CNTN5: variants seen among roughly 807,000 people sequenced by gnomAD.
The protein encoded by CNTN5 is contactin-5.
Under a neutral mutation model 129.1 loss-of-function variants are expected in CNTN5, and 77 were observed. The observed-to-expected ratio is 0.60, with a 90% CI of 0.50 to 0.72. The LOEUF is 0.72. Ranked by LOEUF, CNTN5 falls within the 30% of genes least tolerant of loss-of-function variation. The pLI, the probability that CNTN5 is intolerant of heterozygous loss-of-function variation, is 0.00. For missense variants in CNTN5, 1,478 were observed against 1,328.8 expected, an observed-to-expected ratio of 1.11 and a Z score of -1.75; for synonymous variants, 509 against 465.6, an observed-to-expected ratio of 1.09 and a Z score of -1.20.
intron 24 of CNTN5, 148 bp from the exon 25 acceptor site, chr11:100,355,969 T>A: frequency 1.6e-6 from 1 of 612,188 alleles, no homozygotes; most frequent in Non-Finnish European, 2.9e-6. Context: ...GAACCTCAGA[T>A]AATGTCTGAT....
chr11:99,417,046 G>A (rs550753851), intron 2 of CNTN5, among the ~76,000 whole-genome samples: 18 of 152,058 alleles, frequency 1.2e-4, no homozygotes, highest in South Asian at 2.1e-4. Flanking sequence ...AACAACAAAC[G>A]CAAATTGACT....
chr11:99,815,921 A>G (rs1145397), intron 3 of CNTN5, among the ~76,000 whole-genome samples: 49,586 of 151,834 alleles, frequency 0.33, 8,513 homozygotes, highest in Middle Eastern at 0.42. Flanking sequence ...CAGTTTCTGC[A>G]CCTTGCATCT....
intron 9 of CNTN5, among the ~76,000 whole-genome samples, chr11:100,034,018 C>T (rs1397372651): frequency 1.3e-5 from 2 of 152,182 alleles, no homozygotes; most frequent in Non-Finnish European, 2.9e-5. Context: ...CATTCTGTAT[C>T]TTACTTCCTG....
rs141305448 is a variant in CNTN5, at chr11:99,681,158, G to A, written c.55+124889G>A. Among the ~76,000 whole-genome samples, 8 of 152,142 alleles carry A rather than the reference G, an allele frequency of 5.3e-5. 1 individual carries two copies. Among genetic ancestry groups the A allele is most frequent in the Non-Finnish European group, 8.8e-5 (6 of 67,996 alleles). ...AGAAAGAATGCAGTTCCTTGAAATG[G>A]AATCTACTCCTGGTGAAGATGCTGT... On this transcript the variant is annotated intron_variant, in intron 3 of 24. Transcript: ENST00000524871.
intron 2 of CNTN5, among the ~76,000 whole-genome samples, chr11:99,372,298 T>C (rs1227322282): frequency 1.3e-5 from 2 of 152,206 alleles, no homozygotes; most frequent in Admixed American, 6.5e-5. Flanking sequence ...CGTTACATCA[T>C]TATTACTGTG....
chr11:99,623,257 G>T (rs1470770464), intron 3 of CNTN5, among the ~76,000 whole-genome samples: 2 of 152,064 alleles, frequency 1.3e-5, no homozygotes, highest in Non-Finnish European at 2.9e-5. Flanking sequence ...CACAAATTAT[G>T]TGGGGAGTTA....
chr11:99,113,479 T>G (rs1857897141), intron 1 of CNTN5, among the ~76,000 whole-genome samples: 1 of 152,046 alleles, frequency 6.6e-6, no homozygotes, highest in Non-Finnish European at 1.5e-5. Context: ...TGTGACTAAC[T>G]TGGTTACTAC....
intron 13 of CNTN5, among the ~76,000 whole-genome samples, chr11:100,137,008 T>TGTTTAA (rs1455211538): frequency 3.0e-4 from 45 of 151,986 alleles, no homozygotes; most frequent in African/African-American, 1.0e-3. Flanking sequence ...TACTTAAATA[T>TGTTTAA]GTATGTTTAC....
At chr11:100,310,174 T>C (rs539999665) in intron 21 of CNTN5, among the ~76,000 whole-genome samples, 1 of 152,026 alleles carries the variant, frequency 6.6e-6, no homozygotes, top group Admixed American at 6.6e-5. Flanking sequence ...TACATTAGTG[T>C]GAATTCACTC....
intron 3 of CNTN5, among the ~76,000 whole-genome samples, chr11:99,791,350 C>A (rs1369558371): frequency 1.3e-5 from 2 of 152,038 alleles, no homozygotes; most frequent in African/African-American, 4.8e-5. Context: ...CCAGTTTTGA[C>A]CTTCTGCATA....
At chr11:99,136,019 C>T (rs1047667003) in intron 1 of CNTN5, among the ~76,000 whole-genome samples, 3 of 152,152 alleles carry the variant, frequency 2.0e-5, no homozygotes, top group African/African-American at 7.2e-5. Context: ...TTACAGCATA[C>T]TGACAGCTGT....
chr11:99,871,061 T>A (rs1948492255), intron 6 of CNTN5, among the ~76,000 whole-genome samples: 1 of 152,100 alleles, frequency 6.6e-6, no homozygotes, highest in Non-Finnish European at 1.5e-5. Flanking sequence ...AATTTACTAA[T>A]AATAGAATCA....
intron 21 of CNTN5, among the ~76,000 whole-genome samples, chr11:100,326,370 AAGAT>A (rs1402540519): frequency 6.6e-6 from 1 of 152,160 alleles, no homozygotes; most frequent in African/African-American, 2.4e-5. Context: ...TCTGACATTT[AAGAT>A]AGAGAAATTC....
intron 1 of CNTN5, among the ~76,000 whole-genome samples, chr11:99,261,035 C>A (rs987563379): frequency 6.6e-6 from 1 of 151,686 alleles, no homozygotes; most frequent in African/African-American, 2.4e-5. Context: ...TCCCCTTTTT[C>A]AATTGTCAAA....
intron 2 of CNTN5, among the ~76,000 whole-genome samples, chr11:99,529,571 A>G (rs554076863): frequency 6.6e-6 from 1 of 152,332 alleles, no homozygotes; most frequent in South Asian, 2.1e-4. Flanking sequence ...GGGTTAAGGC[A>G]TTTGGGATTG....
intron 2 of CNTN5, among the ~76,000 whole-genome samples, chr11:99,334,645 G>A (rs980862489): frequency 7.9e-5 from 12 of 152,078 alleles, no homozygotes; most frequent in South Asian, 4.2e-4. Context: ...GCCACATGTG[G>A]CTATTGAATC....
intron 2 of CNTN5, among the ~76,000 whole-genome samples, chr11:99,486,129 C>A (rs1406328667): frequency 2.6e-4 from 40 of 151,884 alleles, no homozygotes; most frequent in Admixed American, 2.5e-3. Flanking sequence ...TTGGTCTTTT[C>A]TGCTTTTATG....
chr11:99,399,328 A>T (rs1173934038), intron 2 of CNTN5, among the ~76,000 whole-genome samples: 2 of 151,804 alleles, frequency 1.3e-5, no homozygotes, highest in Non-Finnish European at 2.9e-5. Flanking sequence ...AAAAATTCTA[A>T]ATTATGAGAT....
chr11:99,399,020 GTAGAGGTCTCTTACTTCTGTTAT>G (rs1941668025), intron 2 of CNTN5, among the ~76,000 whole-genome samples: 1 of 151,784 alleles, frequency 6.6e-6, no homozygotes, highest in African/African-American at 2.4e-5. Context: ...TCTCCAGATA[GTAGAGGTCTCTTACTTCTGTTAT>G]GGTTACAGAA....
Sources: allele counts gnomAD v4.1 joint callset (sites outside exome capture counted in the v4.1 genomes callset), GRCh38; gene constraint gnomAD v4.1.1; transcripts MANE v1.5; gene names NCBI Gene and HGNC (gene_info 2026-07-23, HGNC 2026-07-21).